Variants in GAN observed in about 807,000 individuals in gnomAD.
GAN encodes the protein gigaxonin.
Under a neutral mutation model 71.3 loss-of-function variants are expected in GAN, and 48 were observed. The observed-to-expected ratio is 0.67, with a 90% CI of 0.53 to 0.86. The LOEUF (loss-of-function observed/expected upper bound fraction) is 0.86. GAN is among the 40% of genes least tolerant of loss of function. GAN has a pLI of 0.00. For missense variants in GAN, 928 were observed against 770.1 expected (o/e 1.21, Z -2.43); for synonymous variants, 386 against 276.8 (o/e 1.39, Z -3.92).
chr16:81,321,873 C>A (rs73585637), intron 1 of GAN, among the ~76,000 whole-genome samples: 5,569 of 152,264 alleles, frequency 0.037, 153 homozygotes, highest in African/African-American at 0.073. Context: ...TGAGCGCTTC[C>A]CATGGGTTCT....
At position 81,363,858 on chromosome 16, in the gene GAN, G is replaced by A. The variant is rs1186759377; in HGVS notation, c.1151G>A (p.Gly384Asp). The A allele has an allele frequency of 1.2e-6, 2 of 1,611,400 alleles. No homozygotes were observed. The highest frequency in any genetic ancestry group is 1.7e-6 in the Non-Finnish European group (2 of 1,177,474). The change falls in exon 7 of 11, where the codon GGT becomes GAT. Residue 384 changes from glycine (G) to aspartate (D), a missense_variant. Physicochemically the swap from Gly to Asp is moderately conservative, Grantham distance 94 (BLOSUM62 -1). Coordinates refer to ENST00000648994, the MANE Select transcript of GAN (RefSeq NM_022041.4). The stretch of plus-strand genomic sequence containing the variant: ...CTGTACATTTTGGGAGGAGAGGATG[G>A]TGAAAAGGAGCTGATTTCCATGGAG... ...GMLYILGGED[G>D]EKELISMECY...
intron 6 of GAN, 70 bp downstream of exon 6, chr16:81,362,681 T>A: frequency 1.1e-6 from 1 of 910,734 alleles, no homozygotes; most frequent in Non-Finnish European, 1.8e-6. Context: ...TTGTTTTGTG[T>A]CTGAGTTCAG....
chr16:81,332,623 T>G (rs139624071), intron 1 of GAN, among the ~76,000 whole-genome samples: 2 of 152,182 alleles, frequency 1.3e-5, no homozygotes, highest in Admixed American at 1.3e-4. Flanking sequence ...TGCCTTCCCT[T>G]GTACATAGCA....
chr16:81,356,856 G>A lies in GAN; in HGVS notation c.705G>A (p.Met235Ile), dbSNP rs1910503027. The change falls in exon 4 of 11, where the codon ATG becomes ATA. Residue 235 changes from methionine (M) to isoleucine (I), a missense_variant. Transcript: ENST00000648994. ...GLDSSYLREQ[M>I]LNEPLVREIV... The stretch of plus-strand genomic sequence containing the variant: ...ACTCCAGTTATTTACGGGAACAGAT[G>A]CTGAATGAACCATTAGTACGAGAAA... 1 of 1,613,774 alleles carries A rather than the reference G, an allele frequency of 6.2e-7. No homozygotes were observed. Among genetic ancestry groups the A allele is most frequent in the Non-Finnish European group, 8.5e-7 (1 of 1,179,658 alleles).
intron 1 of GAN, among the ~76,000 whole-genome samples, chr16:81,344,848 A>G (rs1158011564): frequency 2.0e-5 from 3 of 152,220 alleles, no homozygotes; most frequent in Admixed American, 6.5e-5. Context: ...TTTGCAATCT[A>G]TGCATCTGAC....
chr16:81,327,883 T>C (rs1019356417), intron 1 of GAN, among the ~76,000 whole-genome samples: 1 of 152,200 alleles, frequency 6.6e-6, no homozygotes, highest in African/African-American at 2.4e-5. Flanking sequence ...GCCTCCGAAA[T>C]AGAATAGCAA....
intron 9 of GAN, among the ~76,000 whole-genome samples, chr16:81,368,154 T>C (rs1910921327): frequency 6.6e-6 from 1 of 152,226 alleles, no homozygotes; most frequent in South Asian, 2.1e-4. Context: ...AAAGCAAAAC[T>C]GCTTGAAAGG....
intron 9 of GAN, among the ~76,000 whole-genome samples, chr16:81,371,250 G>C (rs2150695359): frequency 6.6e-6 from 1 of 152,224 alleles, no homozygotes; most frequent in South Asian, 2.1e-4. Flanking sequence ...CATCACTGTG[G>C]TAGTTGTGTT....
rs1567501340 is a variant in GAN at position 81,377,417 on chromosome 16, A to G, written c.1615A>G (p.Thr539Ala). The G allele has an allele frequency of 1.2e-6, 2 of 1,613,706 alleles. No individual in the cohort carries two copies. The highest frequency in any genetic ancestry group is 2.2e-5 in the East Asian group (1 of 44,886). The change falls in exon 11 of 11, where the codon ACC (threonine) becomes GCC (alanine). Residue 539 changes from threonine to alanine, a missense_variant and splice_region_variant. Transcript: ENST00000648994. ...IYVIGDLDTG[T>A]NYDYVREFKR... ...CCTTGCTTATTTCTGTGGCTTAGGT[A>G]CCAATTACGACTACGTGCGTGAGTT...
intron 1 of GAN, among the ~76,000 whole-genome samples, chr16:81,350,721 G>A (rs909689985): frequency 6.6e-6 from 1 of 152,066 alleles, no homozygotes; most frequent in Non-Finnish European, 1.5e-5. Context: ...GTTTCACCAT[G>A]TTGGCCAGGC....
chr16:81,337,420 A>G (rs1909800260), intron 1 of GAN, among the ~76,000 whole-genome samples: 1 of 152,202 alleles, frequency 6.6e-6, no homozygotes, highest in Non-Finnish European at 1.5e-5. Flanking sequence ...AAGCTTTTAC[A>G]TCAGAGGGGA....
chr16:81,377,130 T>A (rs1904284134), intron 9 of GAN, 89 bp from the exon 10 acceptor site: 3 of 841,364 alleles, frequency 3.6e-6, no homozygotes, highest in Non-Finnish European at 6.3e-6. Context: ...ATACTGCTGA[T>A]GACTCACCAA....
At chr16:81,317,204 G>C (rs544628581) in intron 1 of GAN, among the ~76,000 whole-genome samples, 2 of 152,346 alleles carry the variant, frequency 1.3e-5, no homozygotes, top group South Asian at 4.1e-4. Flanking sequence ...AGAAAGAACT[G>C]TGCCTATCAG....
intron 1 of GAN, among the ~76,000 whole-genome samples, chr16:81,324,181 C>T (rs1909305466): frequency 6.6e-6 from 1 of 152,152 alleles, no homozygotes; most frequent in African/African-American, 2.4e-5. Context: ...AAATGACTTT[C>T]TTTAAGTAGA....
chr16:81,376,814 C>A (rs1254099532), intron 9 of GAN, among the ~76,000 whole-genome samples: 1 of 152,140 alleles, frequency 6.6e-6, no homozygotes, highest in Middle Eastern at 3.4e-3. Context: ...TAGGTTGAGG[C>A]TGCAGTGAAC....
chr16:81,372,450 A>G (rs1911066775), intron 9 of GAN, among the ~76,000 whole-genome samples: 1 of 152,242 alleles, frequency 6.6e-6, no homozygotes. Context: ...CGGTGAGATG[A>G]TAAATGACAT....
intron 6 of GAN, 131 bp from the exon 7 acceptor site, chr16:81,363,663 C>T (rs1910752047): frequency 2.3e-6 from 2 of 870,400 alleles, no homozygotes; most frequent in Admixed American, 1.9e-5. Flanking sequence ...TCCCTGTCTC[C>T]TTGCTCTAGG....
intron 8 of GAN, 113 bp downstream of exon 8, chr16:81,365,223 T>C: frequency 6.4e-7 from 1 of 1,562,382 alleles, no homozygotes; most frequent in Non-Finnish European, 8.8e-7. Context: ...TTCTTTGACT[T>C]GGCATTTCCT....
intron 1 of GAN, among the ~76,000 whole-genome samples, chr16:81,346,499 C>G (rs1380131811): frequency 6.6e-6 from 1 of 152,180 alleles, no homozygotes; most frequent in African/African-American, 2.4e-5. Flanking sequence ...GCATTAGATT[C>G]TCATAGGAGC....
Sources: allele counts gnomAD v4.1 joint callset (sites outside exome capture counted in the v4.1 genomes callset), GRCh38; gene constraint gnomAD v4.1.1; transcripts MANE v1.5; gene names NCBI Gene and HGNC (gene_info 2026-07-23, HGNC 2026-07-21).